The following CDH23 variants were observed in gnomAD, a reference collection of about 807,000 sequenced individuals.
CDH23 encodes cadherin related 23, also known as cadherin-23.
In CDH23, 189 loss-of-function variants were observed where a neutral mutation model predicts 317.1. That is an observed-to-expected ratio of 0.60 (90% CI 0.53 to 0.67). The LOEUF is 0.67. CDH23 is among the 30% of genes least tolerant of loss of function. The probability of loss-of-function intolerance (pLI) is 0.00; values close to 1 mark genes in which losing one functional copy is unlikely to be tolerated. For missense variants in CDH23, 4,401 were observed against 4,592.4 expected, an observed-to-expected ratio of 0.96 and a Z score of 1.20; for synonymous variants, 1,839 against 1,876.8, an observed-to-expected ratio of 0.98 and a Z score of 0.52.
chr10:71,676,314 C>T lies in CDH23; in HGVS notation c.1514+1138C>T, dbSNP rs570122143. Among the ~76,000 whole-genome samples, 56 of 151,988 alleles carry T rather than the reference C, an allele frequency of 3.7e-4. No individual in the cohort carries two copies. In the South Asian group the frequency reaches 6.9e-3, roughly 19 times the overall value. On this transcript the variant is annotated intron_variant, in intron 15 of 69. Transcript: ENST00000224721. ...GCTTGAATGACTGGCCCCAGCTATC[C>T]GTGGGAAGGATCAAGAAAAGATGGG...
intron 11 of CDH23, among the ~76,000 whole-genome samples, chr10:71,643,538 A>T (rs1351693423): frequency 6.8e-6 from 1 of 147,818 alleles, no homozygotes; most frequent in African/African-American, 2.5e-5. Context: ...GTGGACAGAG[A>T]TCAGGGAGAC....
At chr10:71,645,584 T>C (rs958993744) in intron 12 of CDH23, 1 of 695,302 alleles carries the variant, frequency 1.4e-6, no homozygotes, top group Non-Finnish European at 2.7e-6. Flanking sequence ...AAGGGGACAC[T>C]GTGGGCATCC....
At chr10:71,615,659 C>T (rs767293921) in intron 10 of CDH23, 43 bp downstream of exon 10, 21 of 1,409,422 alleles carry the variant, frequency 1.5e-5, no homozygotes, top group Non-Finnish European at 2.0e-5. Flanking sequence ...AGAGGAGATG[C>T]CCCTACTCGG....
Position 71,646,620 on chromosome 10 carries a change from GAGTCCCCGCTTCACTGC to G in CDH23, c.1449+6_1449+22del, listed in dbSNP as rs1801829191. ...GGACCTCTGTGCTGACAGTCCTGGT[GAGTCCCCGCTTCACTGC>G]AGGGCCACTGAGCTCTCCAGGGCCG... On this transcript the variant is annotated splice_donor_5th_base_variant and intron_variant, in intron 14 of 69. Coordinates refer to ENST00000224721, the MANE Select transcript of CDH23 (RefSeq NM_022124.6). 6.2e-7 allele frequency: 1 copy of G among 1,613,986 alleles called. No homozygotes were observed. The highest frequency in any genetic ancestry group is 8.5e-7 in the Non-Finnish European group (1 of 1,179,904).
chr10:71,474,210 C>A (rs910834906), intron 3 of CDH23, among the ~76,000 whole-genome samples: 1 of 152,194 alleles, frequency 6.6e-6, no homozygotes, highest in South Asian at 2.1e-4. Context: ...TGGCCTTCAC[C>A]TCCAGGGAGC....
At chr10:71,655,828 A>G (rs1212643446) in intron 14 of CDH23, among the ~76,000 whole-genome samples, 2 of 151,986 alleles carry the variant, frequency 1.3e-5, no homozygotes, top group Non-Finnish European at 2.9e-5. Context: ...GGTAAATTAC[A>G]TACACAAGGC....
intron 9 of CDH23, among the ~76,000 whole-genome samples, chr10:71,601,493 G>T (rs1381802408): frequency 6.6e-6 from 1 of 152,202 alleles, no homozygotes. Context: ...CACACAGCTA[G>T]TGAGAAGTAA....
chr10:71,701,456 G>A (rs770915093), intron 22 of CDH23, among the ~76,000 whole-genome samples: 34 of 152,156 alleles, frequency 2.2e-4, no homozygotes, highest in Non-Finnish European at 4.4e-4. Flanking sequence ...CCTTCATGAC[G>A]TGGGGGTTAT....
At chr10:71,690,209 G>A (rs1348235913) in intron 19 of CDH23, among the ~76,000 whole-genome samples, 1 of 152,092 alleles carries the variant, frequency 6.6e-6, no homozygotes, top group Non-Finnish European at 1.5e-5. Flanking sequence ...ACATCAGAGG[G>A]CCCAGTCCAT....
chr10:71,726,628 C>T (rs1866823884), intron 30 of CDH23, among the ~76,000 whole-genome samples: 1 of 152,254 alleles, frequency 6.6e-6, no homozygotes, highest in African/African-American at 2.4e-5. Context: ...GACTCAGACA[C>T]AGTAACCTGG....
chr10:71,746,540 C>T (rs1839856910), intron 38 of CDH23, among the ~76,000 whole-genome samples: 1 of 152,224 alleles, frequency 6.6e-6, no homozygotes, highest in Admixed American at 6.5e-5. Flanking sequence ...CCCTGCCTAG[C>T]TCCAGGCCAT....
chr10:71,759,846 C>CACACACACACATACACACACACACACAT (rs776230069), intron 38 of CDH23, among the ~76,000 whole-genome samples: 1 of 59,930 alleles, frequency 1.7e-5, no homozygotes, highest in African/African-American at 6.0e-5. Context: ...CACACACACA[C>CACACACACACATACACACACACACACAT]ATATACACAC....
chr10:71,774,043 G>C (rs1253264097), intron 38 of CDH23, among the ~76,000 whole-genome samples: 2 of 49,086 alleles, frequency 4.1e-5, no homozygotes, highest in Non-Finnish European at 6.5e-5. Context: ...CTGAGTGCAT[G>C]CGCGCGCGCA....
intron 7 of CDH23, among the ~76,000 whole-genome samples, chr10:71,569,761 G>A (rs1348515808): frequency 6.6e-6 from 1 of 152,338 alleles, no homozygotes; most frequent in African/African-American, 2.4e-5. Context: ...GTGCCCGGTA[G>A]AGTGGCTGCC....
intron 38 of CDH23, among the ~76,000 whole-genome samples, chr10:71,763,585 G>T (rs1178304400): frequency 1.3e-5 from 2 of 152,202 alleles, no homozygotes; most frequent in African/African-American, 4.8e-5. Flanking sequence ...TCTGGAGCTG[G>T]CCAGCCTGTA....
At chr10:71,639,743 C>G (rs1050284433) in intron 11 of CDH23, among the ~76,000 whole-genome samples, 2 of 152,166 alleles carry the variant, frequency 1.3e-5, no homozygotes, top group Non-Finnish European at 2.9e-5. Context: ...TGTGTCATAG[C>G]CGGGCTTCAC....
chr10:71,742,253 G>A (rs913253960), intron 38 of CDH23, among the ~76,000 whole-genome samples: 2 of 152,222 alleles, frequency 1.3e-5, no homozygotes, highest in Non-Finnish European at 2.9e-5. Context: ...AAGTGGGTAT[G>A]AATCTAGCCC....
At chr10:71,503,672 G>A (rs1853470764) in intron 3 of CDH23, among the ~76,000 whole-genome samples, 1 of 152,316 alleles carries the variant, frequency 6.6e-6, no homozygotes, top group African/African-American at 2.4e-5. Context: ...TCCTTTCAGA[G>A]AGAGAGGACT....
chr10:71,649,040 T>G (rs1245641370), intron 14 of CDH23, among the ~76,000 whole-genome samples: 1 of 152,134 alleles, frequency 6.6e-6, no homozygotes, highest in Non-Finnish European at 1.5e-5. Flanking sequence ...CCAGAGCTAG[T>G]AAGTGACTAA....
Sources: allele counts gnomAD v4.1 joint callset (sites outside exome capture counted in the v4.1 genomes callset), GRCh38; gene constraint gnomAD v4.1.1; transcripts MANE v1.5; gene names NCBI Gene and HGNC (gene_info 2026-07-23, HGNC 2026-07-21).